CTSS: variants seen among roughly 807,000 people sequenced by gnomAD.
CTSS encodes the protein cathepsin S.
In CTSS, 15 loss-of-function variants were observed where a neutral mutation model predicts 39.9. The observed-to-expected ratio is 0.38, with a 90% CI of 0.25 to 0.58. The LOEUF (loss-of-function observed/expected upper bound fraction) is 0.58, where lower values mean the gene tolerates loss of function less well. CTSS is among the 20% of genes least tolerant of loss of function. The pLI, the probability that CTSS is intolerant of heterozygous loss-of-function variation, is 0.70. For synonymous variants in CTSS, 126 were observed against 138.2 expected (o/e 0.91, Z 0.62); for missense variants, 250 against 398.2 (o/e 0.63, Z 3.17).
At chr1:150,738,329 A>G (rs1482526733) in intron 7 of CTSS, among the ~76,000 whole-genome samples, 1 of 152,198 alleles carries the variant, frequency 6.6e-6, no homozygotes, top group African/African-American at 2.4e-5. Flanking sequence ...TATTTTACAA[A>G]TTGAAGGTTT....
chr1:150,733,279 G>A (rs1415148), intron 7 of CTSS, 134 bp from the exon 8 acceptor site: 245,409 of 604,912 alleles, frequency 0.41, 51,143 homozygotes, highest in South Asian at 0.54. Context: ...ATGAAATAAG[G>A]TAATAATTTC....
At chr1:150,759,272 G>A (rs965313883) in intron 2 of CTSS, among the ~76,000 whole-genome samples, 19 of 151,862 alleles carry the variant, frequency 1.3e-4, no homozygotes, top group African/African-American at 3.9e-4. Flanking sequence ...GGAGGACTCA[G>A]GACCTTTTCT....
At chr1:150,759,305 A>C (rs976708232) in intron 2 of CTSS, among the ~76,000 whole-genome samples, 7 of 152,242 alleles carry the variant, frequency 4.6e-5, no homozygotes, top group Admixed American at 4.6e-4. Context: ...ATTCTCAATC[A>C]GTGTCTCCAC....
chr1:150,735,145 C>A (rs886090300), intron 7 of CTSS, among the ~76,000 whole-genome samples: 1 of 152,116 alleles, frequency 6.6e-6, no homozygotes, highest in South Asian at 2.1e-4. Context: ...ATTACAAAGG[C>A]AAAGGGAAGC....
At chr1:150,763,862 T>C (rs1440924713) in intron 2 of CTSS, among the ~76,000 whole-genome samples, 1 of 152,202 alleles carries the variant, frequency 6.6e-6, no homozygotes, top group Non-Finnish European at 1.5e-5. Context: ...CCATCCCAAA[T>C]GTGGCCCTTC....
intron 7 of CTSS, among the ~76,000 whole-genome samples, chr1:150,740,553 G>A (rs1652728192): frequency 6.6e-6 from 1 of 151,980 alleles, no homozygotes; most frequent in African/African-American, 2.4e-5. Context: ...ACCACGCCTG[G>A]CTAATTTTTT....
intron 2 of CTSS, among the ~76,000 whole-genome samples, chr1:150,758,457 C>A (rs1224639273): frequency 6.6e-6 from 1 of 151,860 alleles, no homozygotes; most frequent in African/African-American, 2.4e-5. Flanking sequence ...AATCTTAATT[C>A]TTGCTCTTAA....
chr1:150,755,243 C>T lies in CTSS; in HGVS notation c.250-93G>A, dbSNP rs1653096374. 9 of 1,388,466 alleles carry T rather than the reference C, an allele frequency of 6.5e-6. No individual in the cohort carries two copies. The East Asian group carries it at 2.1e-4, about 32-fold the overall frequency. 86.0% of individuals were successfully genotyped at this position (1,388,466 alleles called of 1,614,324 possible). On this transcript the variant is annotated intron_variant, in intron 3 of 7. Coordinates refer to ENST00000368985, the MANE Select transcript of CTSS (RefSeq NM_004079.5). ...GGTGATTTTGTCATTGTGAAAACAC[C>T]ATAGTGTGTACTTACACAAACCTAG... is the stretch of plus-strand genomic sequence containing the variant.
chr1:150,742,422 G>C (rs984279497), intron 7 of CTSS, among the ~76,000 whole-genome samples: 8 of 152,132 alleles, frequency 5.3e-5, no homozygotes, highest in African/African-American at 1.7e-4. Flanking sequence ...TGTAAACTTA[G>C]GGAATGATGA....
chr1:150,741,656 C>T (rs1325283721), intron 7 of CTSS, among the ~76,000 whole-genome samples: 2 of 152,158 alleles, frequency 1.3e-5, no homozygotes, highest in Non-Finnish European at 1.5e-5. Context: ...GGCAGATCAC[C>T]CAAGATCAGG....
At chr1:150,758,207 G>A (rs1571105700) in intron 2 of CTSS, among the ~76,000 whole-genome samples, 2 of 151,884 alleles carry the variant, frequency 1.3e-5, no homozygotes, top group East Asian at 1.9e-4. Context: ...GTGCCACCAC[G>A]CCTAGCTAAT....
intron 3 of CTSS, among the ~76,000 whole-genome samples, chr1:150,755,884 G>A (rs920057913): frequency 6.6e-6 from 1 of 152,104 alleles, no homozygotes; most frequent in African/African-American, 2.4e-5. Flanking sequence ...TAAACACGGT[G>A]CACTTTGGCT....
intron 2 of CTSS, among the ~76,000 whole-genome samples, chr1:150,761,390 G>T (rs1653259349): frequency 6.6e-6 from 1 of 152,078 alleles, no homozygotes; most frequent in Admixed American, 6.6e-5. Context: ...TAACCAAGGA[G>T]TTGAAAAGTT....
chr1:150,756,873 C>T (rs746940035), intron 3 of CTSS, among the ~76,000 whole-genome samples: 5 of 151,982 alleles, frequency 3.3e-5, no homozygotes, highest in Non-Finnish European at 7.4e-5. Context: ...TGTGCCACCA[C>T]GCCCAGCTAA....
chr1:150,761,536 A>G (rs1042272407), intron 2 of CTSS, among the ~76,000 whole-genome samples: 1 of 151,978 alleles, frequency 6.6e-6, no homozygotes, highest in Non-Finnish European at 1.5e-5. Context: ...GTTTGAGACC[A>G]GCCTGACCAA....
rs924331091 is a variant in CTSS at position 150,756,288 on chromosome 1, T to A, written c.250-1138A>T. ...CTCCTCTGATAACAATGTTTTCTAC[T>A]GGATGCCTCCTGAAGGACCTGCCTG... On this transcript the variant is annotated intron_variant, in intron 3 of 7. Transcript: ENST00000368985. Among the ~76,000 whole-genome samples the A allele has an allele frequency of 4.6e-5, 7 of 152,346 alleles. No individual in the cohort carries two copies. The South Asian group carries it at 1.4e-3, about 32-fold the overall frequency.
intron 3 of CTSS, 26 bp from the exon 4 acceptor site, chr1:150,755,176 A>G: frequency 6.2e-7 from 1 of 1,611,210 alleles, no homozygotes; most frequent in East Asian, 2.2e-5. Flanking sequence ...ACAGTCAGGC[A>G]TTGTTTAATG....
chr1:150,739,662 TCAACAACAACAA>T (rs10556231), intron 7 of CTSS, among the ~76,000 whole-genome samples: 86 of 149,500 alleles, frequency 5.8e-4, no homozygotes, highest in South Asian at 1.1e-3. Context: ...GAGACCTGTC[TCAACAACAACAA>T]CAACAACAAC....
At chr1:150,743,256 A>G (rs1228235106) in intron 7 of CTSS, among the ~76,000 whole-genome samples, 1 of 151,898 alleles carries the variant, frequency 6.6e-6, no homozygotes, top group Non-Finnish European at 1.5e-5. Flanking sequence ...CAACTTTCCA[A>G]CCTCTAACAC....
Sources: allele counts gnomAD v4.1 joint callset (sites outside exome capture counted in the v4.1 genomes callset), GRCh38; gene constraint gnomAD v4.1.1; transcripts MANE v1.5; gene names NCBI Gene and HGNC (gene_info 2026-07-23, HGNC 2026-07-21).